Variants in SAMD5 observed in about 807,000 individuals in gnomAD.
SAMD5 encodes the protein sterile alpha motif domain containing 5.
SAMD5 carries 13 observed loss-of-function variants against 11.3 expected under a neutral mutation model. That is an observed-to-expected ratio of 1.15 (90% CI 0.75 to 1.83). SAMD5 has a LOEUF of 1.83. SAMD5 is among the 40% of genes most tolerant of loss of function. The pLI is 0.00. For synonymous variants in SAMD5, 129 were observed against 111.3 expected (o/e 1.16, Z -1.00); for missense variants, 255 against 239.1 (o/e 1.07, Z -0.44).
intron 1 of SAMD5, among the ~76,000 whole-genome samples, chr6:147,511,986 C>T (rs1480155124): frequency 6.6e-6 from 1 of 152,156 alleles, no homozygotes; most frequent in Non-Finnish European, 1.5e-5. Flanking sequence ...GATGGAGTCT[C>T]ATTCTGTTGC....
the SAMD5 span, among the ~76,000 whole-genome samples, chr6:147,815,483 G>T: frequency 6.6e-6 from 1 of 152,148 alleles, no homozygotes; most frequent in Non-Finnish European, 1.5e-5. Flanking sequence ...AGAAGGGAGT[G>T]CTCTGTTCTA....
intron 1 of SAMD5, among the ~76,000 whole-genome samples, chr6:147,613,193 T>C (rs893611527): frequency 3.3e-5 from 5 of 152,024 alleles, no homozygotes; most frequent in African/African-American, 4.8e-5. Context: ...TTATATCTCA[T>C]AGAAGCATTT....
the SAMD5 span, among the ~76,000 whole-genome samples, chr6:147,743,518 G>A: frequency 6.7e-6 from 1 of 149,486 alleles, no homozygotes. Flanking sequence ...AAAAAAAAAA[G>A]TTGTAACTAC....
the SAMD5 span, among the ~76,000 whole-genome samples, chr6:147,795,059 C>A: frequency 8.3e-6 from 1 of 120,342 alleles, no homozygotes; most frequent in African/African-American, 4.2e-5. Flanking sequence ...TGGATCCCAT[C>A]CTATTTTTTT....
intron 1 of SAMD5, among the ~76,000 whole-genome samples, chr6:147,558,104 C>T (rs1322984334): frequency 1.3e-5 from 2 of 152,096 alleles, no homozygotes; most frequent in Non-Finnish European, 2.9e-5. Context: ...ATAAGCATAC[C>T]GTCATGGCAA....
the SAMD5 span, among the ~76,000 whole-genome samples, chr6:147,782,858 A>T: frequency 2.0e-5 from 3 of 152,182 alleles, no homozygotes; most frequent in Non-Finnish European, 4.4e-5. Context: ...ATTTTCTAGT[A>T]ATATGCTCCC....
Position 147,508,950 on chromosome 6 carries a change from G to A in SAMD5, c.22G>A (p.Glu8Lys). Reference sequence around the variant, plus strand: ...CACCATGTGCACCAACATAGTTTACGAGTGGCTCAAAGCGCTGCAGCTTCC... The same window carrying A: ...CACCATGTGCACCAACATAGTTTACAAGTGGCTCAAAGCGCTGCAGCTTCC... MCTNIVY[E>K]WLKALQLPQY... The change falls in exon 1 of 2, where the codon GAG (glutamate) becomes AAG (lysine). Residue 8 changes from glutamate to lysine, a missense_variant. Glu to Lys is a moderately conservative substitution (Grantham distance 56). Coordinates refer to ENST00000367474, the MANE Select transcript of SAMD5 (RefSeq NM_001030060.3). The A allele has an allele frequency of 1.3e-6, 2 of 1,599,120 alleles. No homozygotes were observed. The highest frequency in any genetic ancestry group is 1.1e-5 in the South Asian group (1 of 88,900).
the SAMD5 span, among the ~76,000 whole-genome samples, chr6:147,918,432 G>A: frequency 6.6e-6 from 1 of 152,064 alleles, no homozygotes; most frequent in African/African-American, 2.4e-5. Flanking sequence ...TTGAAAACTG[G>A]CACAAGAGAG....
the SAMD5 span, among the ~76,000 whole-genome samples, chr6:147,938,726 C>T: frequency 5.9e-5 from 9 of 152,142 alleles, no homozygotes; most frequent in South Asian, 6.2e-4. Flanking sequence ...AAAGTGCTAG[C>T]GTATCAGAGT....
intron 1 of SAMD5, among the ~76,000 whole-genome samples, chr6:147,519,751 T>C (rs1788223062): frequency 6.6e-6 from 1 of 152,198 alleles, no homozygotes; most frequent in African/African-American, 2.4e-5. Flanking sequence ...CCATGTAGAA[T>C]ACAATGCTTA....
At chr6:147,930,795 GAGAA>G in the SAMD5 span, among the ~76,000 whole-genome samples, 1 of 152,180 alleles carries the variant, frequency 6.6e-6, no homozygotes, top group African/African-American at 2.4e-5. Context: ...CTACAAAAGA[GAGAA>G]AGAGAGTGTG....
chr6:147,817,950 A>T, the SAMD5 span, among the ~76,000 whole-genome samples: 1 of 152,344 alleles, frequency 6.6e-6, no homozygotes, highest in Non-Finnish European at 1.5e-5. Flanking sequence ...GGTTGGTTCC[A>T]TATGGTGAAA....
At chr6:147,706,663 T>C (rs555254903) in intron 1 of SAMD5, among the ~76,000 whole-genome samples, 4 of 152,346 alleles carry the variant, frequency 2.6e-5, no homozygotes, top group South Asian at 4.1e-4. Flanking sequence ...AAGCCTGACT[T>C]TTCTGGTACT....
chr6:147,817,637 G>C, the SAMD5 span, among the ~76,000 whole-genome samples: 2 of 152,230 alleles, frequency 1.3e-5, no homozygotes, highest in Non-Finnish European at 2.9e-5. Context: ...ATGCAACCCA[G>C]AAAACAGTTG....
At chr6:147,603,382 C>A (rs1583102872) in intron 1 of SAMD5, among the ~76,000 whole-genome samples, 2 of 152,076 alleles carry the variant, frequency 1.3e-5, no homozygotes, top group African/African-American at 2.4e-5. Context: ...CAGAGAGATC[C>A]TTTTTCATTA....
At chr6:147,742,737 A>C in the SAMD5 span, among the ~76,000 whole-genome samples, 2 of 152,082 alleles carry the variant, frequency 1.3e-5, no homozygotes, top group African/African-American at 2.4e-5. Context: ...AAGATAATGA[A>C]GTTTCTCCTT....
the SAMD5 span, among the ~76,000 whole-genome samples, chr6:147,847,983 G>A: frequency 6.6e-6 from 1 of 152,222 alleles, no homozygotes; most frequent in Non-Finnish European, 1.5e-5. Context: ...AGAGGAAGCA[G>A]GCAGATTTAG....
At chr6:147,755,583 C>T in the SAMD5 span, among the ~76,000 whole-genome samples, 45 of 152,212 alleles carry the variant, frequency 3.0e-4, no homozygotes, top group African/African-American at 9.9e-4. Flanking sequence ...CTATATCATC[C>T]TCACTTCCTC....
chr6:147,544,571 C>T (rs916753976), intron 1 of SAMD5, among the ~76,000 whole-genome samples: 10 of 152,084 alleles, frequency 6.6e-5, no homozygotes, highest in African/African-American at 9.7e-5. Context: ...GCAAATTTAG[C>T]GACATACCTT....
Sources: gnomAD v4.1 joint callset for allele counts (sites outside exome capture counted in the v4.1 genomes callset) on GRCh38, gnomAD v4.1.1 for gene constraint, MANE v1.5 for transcripts, NCBI Gene and HGNC (gene_info 2026-07-23, HGNC 2026-07-21) for gene names.